The following METTL15 variants were observed in gnomAD, a reference collection of about 807,000 sequenced individuals.
METTL15 encodes the protein 12S rRNA N(4)-cytidine methyltransferase METTL15.
A neutral mutation model predicts 38.3 loss-of-function variants in METTL15; 34 were observed. The observed-to-expected ratio is 0.89, with a 90% CI of 0.68 to 1.18. The LOEUF is 1.18. Ranked by LOEUF, METTL15 falls within the 50% of genes most tolerant of loss-of-function variation. METTL15 has a pLI of 0.00. For missense variants in METTL15, 438 were observed against 498.4 expected (o/e 0.88, Z 1.15); for synonymous variants, 162 against 170.9 (o/e 0.95, Z 0.41).
intron 6 of METTL15, among the ~76,000 whole-genome samples, chr11:28,484,384 A>C (rs773149071): frequency 2.6e-5 from 4 of 152,110 alleles, no homozygotes; most frequent in Non-Finnish European, 5.9e-5. Context: ...TGCCTCCCTA[A>C]ATGCGACACT....
chr11:28,258,159 A>G (rs1054977476), intron 4 of METTL15, among the ~76,000 whole-genome samples: 1 of 152,184 alleles, frequency 6.6e-6, no homozygotes, highest in African/African-American at 2.4e-5. Context: ...GGTCATGGAC[A>G]AGATTCAGAA....
intron 6 of METTL15, among the ~76,000 whole-genome samples, chr11:28,320,715 A>T (rs1171876094): frequency 6.6e-6 from 1 of 152,178 alleles, no homozygotes; most frequent in African/African-American, 2.4e-5. Context: ...AAGTTTAATT[A>T]TGGAAAATAA....
intron 6 of METTL15, among the ~76,000 whole-genome samples, chr11:28,312,722 T>A (rs1292871619): frequency 6.6e-6 from 1 of 152,140 alleles, no homozygotes; most frequent in Non-Finnish European, 1.5e-5. Flanking sequence ...TCTCGCTATG[T>A]CATCTCATGG....
intron 3 of METTL15, among the ~76,000 whole-genome samples, chr11:28,139,460 A>G (rs560228289): frequency 6.6e-6 from 1 of 152,288 alleles, no homozygotes; most frequent in Non-Finnish European, 1.5e-5. Context: ...GGTGCAGACC[A>G]TGGGTGCCAA....
chr11:28,144,826 A>G (rs957707171), intron 3 of METTL15: 1 of 153,278 alleles, frequency 6.5e-6, no homozygotes, highest in Admixed American at 6.6e-5. Flanking sequence ...TTCAGATAGC[A>G]GTCTGATCAC....
In METTL15 at chr11:28,208,905, A is replaced by C. The variant is rs144141168; in HGVS notation, c.271-2157A>C. 2.6e-4 allele frequency among the ~76,000 whole-genome samples: 39 copies of C among 152,102 alleles called. No individual in the cohort carries two copies. The East Asian group carries it at 6.8e-3, about 26-fold the overall frequency. On this transcript the variant is annotated intron_variant, in intron 3 of 6. Coordinates refer to ENST00000407364, the MANE Select transcript of METTL15 (RefSeq NM_001113528.2). The stretch of plus-strand genomic sequence containing the variant: ...GAACAATGAATATTAGAATTGTAAA[A>C]ATGAGAGTTGATGGCTCCAATCACG...
intron 5 of METTL15, among the ~76,000 whole-genome samples, chr11:28,419,297 G>A (rs1042330334): frequency 2.6e-5 from 4 of 152,218 alleles, no homozygotes; most frequent in South Asian, 2.1e-4. Context: ...TCAGCATAGA[G>A]AGGAAGAGAG....
intron 6 of METTL15, among the ~76,000 whole-genome samples, chr11:28,321,435 TC>T (rs1425131190): frequency 6.6e-6 from 1 of 152,172 alleles, no homozygotes; most frequent in Non-Finnish European, 1.5e-5. Context: ...TTATGCTTTT[TC>T]ATAGGAGTGA....
intron 6 of METTL15, among the ~76,000 whole-genome samples, chr11:28,433,304 C>T (rs1183232394): frequency 6.6e-6 from 1 of 151,922 alleles, no homozygotes; most frequent in Non-Finnish European, 1.5e-5. Context: ...TATACCATAA[C>T]AAACCTGAGT....
At chr11:28,242,304 A>C (rs1477443929) in intron 4 of METTL15, among the ~76,000 whole-genome samples, 1 of 152,152 alleles carries the variant, frequency 6.6e-6, no homozygotes, top group Non-Finnish European at 1.5e-5. Context: ...CTGGAATATG[A>C]GCTCAAAGAC....
intron 6 of METTL15, among the ~76,000 whole-genome samples, chr11:28,297,609 CTGTT>C (rs1341258378): frequency 1.3e-5 from 2 of 152,110 alleles, no homozygotes; most frequent in Non-Finnish European, 2.9e-5. Flanking sequence ...TATAGCCTCT[CTGTT>C]TGAAGCCAAA....
intron 4 of METTL15, among the ~76,000 whole-genome samples, chr11:28,354,333 A>G (rs1850071299): frequency 6.6e-6 from 1 of 152,152 alleles, no homozygotes; most frequent in South Asian, 2.1e-4. Flanking sequence ...CAAGAGTAAC[A>G]TATTGGGGGA....
chr11:28,272,816 A>G (rs966502783), intron 4 of METTL15, among the ~76,000 whole-genome samples: 2 of 152,176 alleles, frequency 1.3e-5, no homozygotes, highest in African/African-American at 4.8e-5. Context: ...TCTTAAAGCT[A>G]TCTACAGGAA....
At chr11:28,398,227 T>TAAAAAAATTC (rs1002665262) in intron 5 of METTL15, among the ~76,000 whole-genome samples, 1 of 151,776 alleles carries the variant, frequency 6.6e-6, no homozygotes, top group Admixed American at 6.6e-5. Flanking sequence ...ATTAGAAAAA[T>TAAAAAAATTC]AAAAAAATTC....
chr11:28,304,243 G>A (rs1187456622), intron 6 of METTL15, among the ~76,000 whole-genome samples: 1 of 152,034 alleles, frequency 6.6e-6, no homozygotes, highest in African/African-American at 2.4e-5. Context: ...CTTCCCTTAG[G>A]AGTTATGTGA....
At chr11:28,339,966 C>T (rs1050472603) in intron 3 of METTL15, among the ~76,000 whole-genome samples, 1 of 152,032 alleles carries the variant, frequency 6.6e-6, no homozygotes, top group Admixed American at 6.6e-5. Context: ...AGCTCGGAAT[C>T]CATGTAAATA....
At chr11:28,146,754 C>A (rs1849900937) in intron 3 of METTL15, among the ~76,000 whole-genome samples, 2 of 151,688 alleles carry the variant, frequency 1.3e-5, no homozygotes, top group South Asian at 4.2e-4. Context: ...CAATAATAGC[C>A]CACTATCCAA....
At chr11:28,404,207 C>T (rs569919090) in intron 5 of METTL15, among the ~76,000 whole-genome samples, 1 of 151,854 alleles carries the variant, frequency 6.6e-6, no homozygotes, top group Non-Finnish European at 1.5e-5. Flanking sequence ...ATAAATGTGC[C>T]CATATAAAAA....
At chr11:28,223,978 G>A (rs757910119) in intron 4 of METTL15, among the ~76,000 whole-genome samples, 4 of 151,932 alleles carry the variant, frequency 2.6e-5, no homozygotes, top group Non-Finnish European at 4.4e-5. Context: ...ATATAGGTAT[G>A]TATAAAGAAA....
Sources: allele counts gnomAD v4.1 joint callset (sites outside exome capture counted in the v4.1 genomes callset), GRCh38; gene constraint gnomAD v4.1.1; transcripts MANE v1.5; gene names NCBI Gene and HGNC (gene_info 2026-07-23, HGNC 2026-07-21).